The following ITSN1 variants were observed in gnomAD, a reference collection of about 807,000 sequenced individuals.
ITSN1 encodes intersectin 1, also known as intersectin-1.
ITSN1 carries 58 observed loss-of-function variants against 239.8 expected under a neutral mutation model. The observed-to-expected ratio is 0.24, with a 90% CI of 0.20 to 0.30. The LOEUF is 0.30. ITSN1 is among the 10% of genes least tolerant of loss of function. ITSN1 has a pLI of 1.00. For missense variants in ITSN1, 1,558 were observed against 2,103.3 expected, an observed-to-expected ratio of 0.74 and a Z score of 5.07; for synonymous variants, 780 against 770.8, an observed-to-expected ratio of 1.01 and a Z score of -0.20.
intron 1 of ITSN1, among the ~76,000 whole-genome samples, chr21:33,669,992 T>C (rs1413367244): frequency 4.6e-5 from 7 of 152,190 alleles, no homozygotes; most frequent in African/African-American, 7.2e-5. Context: ...CCTAGACTCA[T>C]AGGTGCTCTC....
intron 16 of ITSN1, among the ~76,000 whole-genome samples, chr21:33,790,558 GA>G (rs1228948534): frequency 2.0e-5 from 3 of 151,838 alleles, no homozygotes; most frequent in African/African-American, 7.3e-5. Context: ...ATCCATCCAA[GA>G]AACAAGTTTT....
intron 29 of ITSN1, chr21:33,837,510 T>A (rs2074661656): frequency 9.1e-6 from 9 of 985,958 alleles, no homozygotes; most frequent in Non-Finnish European, 1.1e-5. Context: ...AACTAAATTG[T>A]GCAGTTTGGG....
At position 33,897,903 on chromosome 21, in the gene ITSN1, G is replaced by A. The variant is rs568135175; in HGVS notation, c.*9603G>A. The stretch of plus-strand genomic sequence containing the variant: ...AAGTTGTATATGTTAGAAATCAAAT[G>A]AGTCATTTTTTTTCCTGCAGGAAAT... On this transcript the variant is annotated 3_prime_UTR_variant, in exon 40 of 40. Coordinates refer to ENST00000381318, the MANE Select transcript of ITSN1 (RefSeq NM_003024.3). 1 of 150,394 alleles carries A rather than the reference G, an allele frequency of 6.6e-6. No individual in the cohort carries two copies. The highest frequency in any genetic ancestry group is 2.5e-5 in the African/African-American group (1 of 40,630). 9.3% of individuals were successfully genotyped at this position (150,394 alleles called of 1,614,324 possible).
At chr21:33,809,849 A>C (rs1419611879) in intron 20 of ITSN1, among the ~76,000 whole-genome samples, 1 of 152,192 alleles carries the variant, frequency 6.6e-6, no homozygotes, top group Non-Finnish European at 1.5e-5. Context: ...GCTGGAGTGC[A>C]ATGGCATCAT....
At chr21:33,695,583 A>C (rs2091757151) in intron 1 of ITSN1, among the ~76,000 whole-genome samples, 1 of 152,278 alleles carries the variant, frequency 6.6e-6, no homozygotes, top group Non-Finnish European at 1.5e-5. Context: ...GCAAACATAC[A>C]TAAACTGGAA....
intron 29 of ITSN1, chr21:33,838,209 G>A (rs2074694994): frequency 2.0e-6 from 2 of 985,274 alleles, no homozygotes; most frequent in Non-Finnish European, 2.4e-6. Flanking sequence ...ATGGGGCAGG[G>A]GGAGCCTCAA....
intron 25 of ITSN1, among the ~76,000 whole-genome samples, chr21:33,826,294 G>A (rs544676278): frequency 1.3e-5 from 2 of 152,310 alleles, no homozygotes; most frequent in South Asian, 2.1e-4. Context: ...TGAATAGGAT[G>A]GGGGAAGAGA....
chr21:33,648,544 T>G (rs535950552), intron 1 of ITSN1, among the ~76,000 whole-genome samples: 1 of 152,314 alleles, frequency 6.6e-6, no homozygotes, highest in South Asian at 2.1e-4. Flanking sequence ...GTCACATAAG[T>G]TAGCTCAGAA....
intron 1 of ITSN1, among the ~76,000 whole-genome samples, chr21:33,698,747 A>T (rs969742967): frequency 6.6e-6 from 1 of 152,086 alleles, no homozygotes; most frequent in East Asian, 1.9e-4. Flanking sequence ...TCTTGCCTTT[A>T]TGTGTAATCT....
intron 1 of ITSN1, among the ~76,000 whole-genome samples, chr21:33,679,730 G>A (rs1488850149): frequency 2.5e-5 from 3 of 119,604 alleles, no homozygotes; most frequent in Non-Finnish European, 1.6e-5. Flanking sequence ...TTGAGACGGA[G>A]TCTCGCTCTG....
At chr21:33,793,554 G>A (rs1026206182) in intron 16 of ITSN1, among the ~76,000 whole-genome samples, 1 of 152,132 alleles carries the variant, frequency 6.6e-6, no homozygotes, top group Non-Finnish European at 1.5e-5. Flanking sequence ...CTATTTTCAG[G>A]TGTCTAAACT....
intron 19 of ITSN1, among the ~76,000 whole-genome samples, chr21:33,800,913 C>G (rs911311528): frequency 1.3e-5 from 2 of 151,294 alleles, no homozygotes; most frequent in African/African-American, 4.9e-5. Flanking sequence ...CTCCCTGCAA[C>G]CTCTGCCTCC....
At chr21:33,698,426 T>C (rs1177676507) in intron 1 of ITSN1, among the ~76,000 whole-genome samples, 1 of 152,202 alleles carries the variant, frequency 6.6e-6, no homozygotes, top group African/African-American at 2.4e-5. Flanking sequence ...ATCATGATAG[T>C]TTGTCAGATA....
intron 16 of ITSN1, among the ~76,000 whole-genome samples, chr21:33,783,412 C>A (rs563958741): frequency 9.2e-5 from 14 of 152,066 alleles, no homozygotes; most frequent in African/African-American, 1.2e-4. Flanking sequence ...CTCAATTGTA[C>A]GATTCCAGGA....
intron 1 of ITSN1, among the ~76,000 whole-genome samples, chr21:33,657,026 T>A (rs34823606): frequency 0.19 from 28,593 of 152,132 alleles, 3,159 homozygotes; most frequent in Non-Finnish European, 0.23. Flanking sequence ...CGGCCTTTTT[T>A]AATTTTTTTA....
intron 1 of ITSN1, among the ~76,000 whole-genome samples, chr21:33,682,537 T>C (rs1041171552): frequency 2.0e-5 from 3 of 151,942 alleles, no homozygotes; most frequent in Non-Finnish European, 2.9e-5. Context: ...CTTTTCTTTC[T>C]TTTTTTGAGA....
At chr21:33,887,210 T>C (rs1168109439) in intron 39 of ITSN1, among the ~76,000 whole-genome samples, 1 of 151,834 alleles carries the variant, frequency 6.6e-6, no homozygotes, top group Admixed American at 6.6e-5. Context: ...TTCCAGCTAC[T>C]CGGGAGGCTG....
chr21:33,851,222 TTGCTCTTGCTGG>T (rs1480890933), intron 29 of ITSN1, among the ~76,000 whole-genome samples: 1 of 152,062 alleles, frequency 6.6e-6, no homozygotes. Flanking sequence ...GGGTGAAGGC[TTGCTCTTGCTGG>T]TGCCCATAGC....
At chr21:33,675,904 A>G (rs537908108) in intron 1 of ITSN1, among the ~76,000 whole-genome samples, 1 of 152,266 alleles carries the variant, frequency 6.6e-6, no homozygotes, top group South Asian at 2.1e-4. Context: ...AATTCCTTAC[A>G]TCATATGCTT....
Sources: gnomAD v4.1 joint callset for allele counts (sites outside exome capture counted in the v4.1 genomes callset) on GRCh38, gnomAD v4.1.1 for gene constraint, MANE v1.5 for transcripts, NCBI Gene and HGNC (gene_info 2026-07-23, HGNC 2026-07-21) for gene names.